CHN2: variants seen among roughly 807,000 people sequenced by gnomAD.
CHN2 encodes chimerin 2, also known as beta-chimaerin.
A neutral mutation model predicts 56.3 loss-of-function variants in CHN2; 35 were observed. The ratio of observed to expected loss-of-function variants is 0.62; its 90% CI spans 0.47 to 0.82. CHN2 has a LOEUF of 0.82. CHN2 is among the 40% of genes least tolerant of loss of function. The pLI, the probability that CHN2 is intolerant of heterozygous loss-of-function variation, is 0.00. For synonymous variants in CHN2, 210 were observed against 212.8 expected (o/e 0.99, Z 0.12); for missense variants, 491 against 580.5 (o/e 0.85, Z 1.58).
intron 6 of CHN2, among the ~76,000 whole-genome samples, chr7:29,421,107 A>G (rs1804301352): frequency 6.6e-6 from 1 of 152,082 alleles, no homozygotes; most frequent in South Asian, 2.1e-4. Context: ...GGGTTTTTAA[A>G]CCACAACTAA....
At chr7:29,366,894 A>G (rs368941236) in intron 2 of CHN2, among the ~76,000 whole-genome samples, 7 of 152,238 alleles carry the variant, frequency 4.6e-5, no homozygotes, top group African/African-American at 1.7e-4. Context: ...GTGTTTCCAT[A>G]TGATCACTAC....
chr7:29,393,761 A>C lies in CHN2; in HGVS notation c.176+51A>C, dbSNP rs767713384. 3.0e-5 allele frequency: 19 copies of C among 629,960 alleles called. No homozygotes were observed. The African/African-American group carries it at 3.3e-4, about 11-fold the overall frequency. 39.0% of individuals were successfully genotyped at this position (629,960 alleles called of 1,614,324 possible). A position where few individuals can be genotyped will look rare whatever the true frequency, so the allele number is the denominator to read the frequency against. On this transcript the variant is annotated intron_variant, in intron 4 of 12. Coordinates refer to ENST00000222792, the MANE Select transcript of CHN2 (RefSeq NM_004067.4). Reference sequence around the variant, plus strand: ...TAATAATTTAATAAGTAGTCATTTCATGTGTCATTTAAATATTACAAATTT... The same window carrying C: ...TAATAATTTAATAAGTAGTCATTTCCTGTGTCATTTAAATATTACAAATTT...
At chr7:29,243,642 T>C (rs1462826117) in intron 1 of CHN2, among the ~76,000 whole-genome samples, 1 of 152,180 alleles carries the variant, frequency 6.6e-6, no homozygotes, top group East Asian at 1.9e-4. Context: ...TCCAGAAGTT[T>C]TTTTGCAAAA....
intron 1 of CHN2, among the ~76,000 whole-genome samples, chr7:29,236,698 C>T (rs1387751580): frequency 6.6e-6 from 1 of 152,230 alleles, no homozygotes; most frequent in Non-Finnish European, 1.5e-5. Context: ...TACCAGCTTG[C>T]ACTTATGTAA....
intron 3 of CHN2, among the ~76,000 whole-genome samples, chr7:29,380,989 TCA>T (rs1181630131): frequency 6.6e-6 from 1 of 152,206 alleles, no homozygotes. Context: ...GAGAATATTC[TCA>T]GATTCTCATT....
chr7:29,495,201 C>A (rs1789137072), intron 7 of CHN2, among the ~76,000 whole-genome samples: 1 of 152,046 alleles, frequency 6.6e-6, no homozygotes. Flanking sequence ...CATTTTAAAT[C>A]ATAATTTAAT....
At chr7:29,399,454 C>T (rs900704800) in intron 5 of CHN2, among the ~76,000 whole-genome samples, 4 of 152,224 alleles carry the variant, frequency 2.6e-5, no homozygotes, top group Non-Finnish European at 5.9e-5. Flanking sequence ...CACAAAATCA[C>T]AAGTATTAAA....
intron 6 of CHN2, among the ~76,000 whole-genome samples, chr7:29,445,947 A>G (rs1369647078): frequency 1.3e-5 from 2 of 152,006 alleles, no homozygotes; most frequent in South Asian, 2.1e-4. Context: ...GTGGAGCCGG[A>G]AGTGGCTACT....
intron 6 of CHN2, among the ~76,000 whole-genome samples, chr7:29,449,459 C>T (rs1784253035): frequency 6.6e-6 from 1 of 152,166 alleles, no homozygotes; most frequent in South Asian, 2.1e-4. Context: ...TGGAATACAG[C>T]CACATCCATT....
At chr7:29,451,963 G>C (rs849925) in intron 6 of CHN2, among the ~76,000 whole-genome samples, 42,939 of 152,044 alleles carry the variant, frequency 0.28, 6,372 homozygotes, top group African/African-American at 0.37. Flanking sequence ...AAGAAGGAAG[G>C]TCATCATGAC....
At chr7:29,427,752 G>A (rs575829300) in intron 6 of CHN2, among the ~76,000 whole-genome samples, 4 of 151,304 alleles carry the variant, frequency 2.6e-5, no homozygotes, top group South Asian at 4.2e-4. Context: ...CGCCTCCTGG[G>A]TTCAAGCAAT....
Position 29,400,545 on chromosome 7 carries a change from T to C in CHN2, c.293T>C (p.Phe98Ser). The change falls in exon 6 of 13, where the codon TTT (phenylalanine) becomes TCT (serine). Residue 98 changes from phenylalanine to serine, a missense_variant and splice_region_variant. Coordinates refer to ENST00000222792, the MANE Select transcript of CHN2 (RefSeq NM_004067.4). Reference sequence around the variant, plus strand: ...ATCCCTCATTCTCTCACGGGCAGGTTTGGAAACCAGACCTTAAACTACAGG... The same window carrying C: ...ATCCCTCATTCTCTCACGGGCAGGTCTGGAAACCAGACCTTAAACTACAGG... ...QPGCYTLALR[F>S]GNQTLNYRLF... is the part of the protein sequence containing the mutation. 1 of 1,613,720 alleles carries C rather than the reference T, an allele frequency of 6.2e-7. No homozygotes were observed. Among genetic ancestry groups the C allele is most frequent in the Non-Finnish European group, 8.5e-7 (1 of 1,179,768 alleles).
intron 6 of CHN2, among the ~76,000 whole-genome samples, chr7:29,443,777 G>A (rs1783841584): frequency 6.6e-6 from 1 of 152,054 alleles, no homozygotes; most frequent in South Asian, 2.1e-4. Flanking sequence ...TGAGAGAGAT[G>A]GCAGAGGTGT....
intron 6 of CHN2, among the ~76,000 whole-genome samples, chr7:29,416,891 A>G (rs1215422526): frequency 6.6e-6 from 1 of 152,042 alleles, no homozygotes; most frequent in Non-Finnish European, 1.5e-5. Context: ...TTGATGCGAC[A>G]TTTCCTCCCA....
intron 2 of CHN2, among the ~76,000 whole-genome samples, chr7:29,177,749 A>G (rs1238536003): frequency 1.3e-5 from 2 of 151,578 alleles, no homozygotes; most frequent in Admixed American, 6.6e-5. Flanking sequence ...AACCCTCTTT[A>G]CTTCTAAACA....
At chr7:29,310,722 G>T (rs1562908539) in intron 1 of CHN2, among the ~76,000 whole-genome samples, 1 of 152,146 alleles carries the variant, frequency 6.6e-6, no homozygotes, top group Non-Finnish European at 1.5e-5. Flanking sequence ...CATAAACAGG[G>T]CCTGTGTCCT....
chr7:29,333,639 CA>C (rs1796382266), intron 1 of CHN2, among the ~76,000 whole-genome samples: 1 of 152,184 alleles, frequency 6.6e-6, no homozygotes, highest in African/African-American at 2.4e-5. Context: ...GCTCTAAATT[CA>C]GGAAATCATG....
At chr7:29,347,846 C>G (rs563365889) in intron 1 of CHN2, among the ~76,000 whole-genome samples, 1 of 152,288 alleles carries the variant, frequency 6.6e-6, no homozygotes, top group South Asian at 2.1e-4. Flanking sequence ...TCTATGTGCG[C>G]TGACATGGAT....
intron 1 of CHN2, among the ~76,000 whole-genome samples, chr7:29,291,743 T>A (rs1406430402): frequency 6.6e-6 from 1 of 152,190 alleles, no homozygotes; most frequent in African/African-American, 2.4e-5. Context: ...ATGTTTTTTT[T>A]AAGTATTAAA....
Sources: gnomAD v4.1 joint callset for allele counts (sites outside exome capture counted in the v4.1 genomes callset) on GRCh38, gnomAD v4.1.1 for gene constraint, MANE v1.5 for transcripts, NCBI Gene and HGNC (gene_info 2026-07-23, HGNC 2026-07-21) for gene names.